The following WDR47 variants were observed in gnomAD, a reference collection of about 807,000 sequenced individuals.
WDR47 encodes WD repeat domain 47.
In WDR47, 32 loss-of-function variants were observed where a neutral mutation model predicts 97.2. That is an observed-to-expected ratio of 0.33 (90% CI 0.25 to 0.44). The LOEUF is 0.44. Among genes scored for constraint, WDR47 ranks in the 20% least tolerant of loss-of-function variants. The pLI, the probability that WDR47 is intolerant of heterozygous loss-of-function variation, is 1.00. For missense variants in WDR47, 782 were observed against 1,102.3 expected (o/e 0.71, Z 4.11); for synonymous variants, 375 against 373.5 (o/e 1.00, Z -0.05).
chr1:108,986,323 A>C (rs1163783267), intron 10 of WDR47, among the ~76,000 whole-genome samples, 200 bp downstream of exon 10: 3 of 152,250 alleles, frequency 2.0e-5, no homozygotes, highest in Non-Finnish European at 4.4e-5. Flanking sequence ...ATTTTATGAA[A>C]AAATTATGAA....
At position 109,002,376 on chromosome 1, in the gene WDR47, T is replaced by C. The variant is rs775158339; in HGVS notation, c.1281A>G (p.Gln427=). The change falls in exon 7 of 15, where the codon CAA becomes CAG. Residue 427 remains glutamine (Q), a synonymous_variant. Transcript: ENST00000369962. Reference sequence around the variant, plus strand: ...AGCGTAATCTTTGCCTATAATATTCTTGAAATTGTTCTGTTGAATCTCGAA... The same window carrying C: ...AGCGTAATCTTTGCCTATAATATTCCTGAAATTGTTCTGTTGAATCTCGAA... ...NELRDSTEQF[Q]EYYRQRLRYQ... 4 of 1,606,642 alleles carry C rather than the reference T, an allele frequency of 2.5e-6. No individual in the cohort carries two copies. The highest frequency in any genetic ancestry group is 2.5e-6 in the Non-Finnish European group (3 of 1,178,234).
chr1:109,001,231 G>A (rs1035440708), intron 7 of WDR47, among the ~76,000 whole-genome samples: 3 of 152,038 alleles, frequency 2.0e-5, no homozygotes, highest in African/African-American at 7.2e-5. Context: ...AGAGGTTGCA[G>A]TGAGCGAAGA....
At chr1:108,985,756 T>C (rs1658739709) in intron 10 of WDR47, among the ~76,000 whole-genome samples, 1 of 152,162 alleles carries the variant, frequency 6.6e-6, no homozygotes, top group South Asian at 2.1e-4. Context: ...ACCCTAAACA[T>C]ATAAGTCTTT....
Position 108,990,008 on chromosome 1 carries a change from A to T in WDR47, c.1767+1246T>A, listed in dbSNP as rs192297475. Among the ~76,000 whole-genome samples, 39 of 151,854 alleles carry T rather than the reference A, an allele frequency of 2.6e-4. No homozygotes were observed. The East Asian group carries it at 6.0e-3, about 24-fold the overall frequency. On this transcript the variant is annotated intron_variant, in intron 9 of 14. Transcript: ENST00000369962. ...CTGCATCCAGCCTTAAAATTTTTTT[A>T]AATTTGTTGTCATTTAAAAAACTAG...
chr1:109,029,770 G>A (rs376546433), intron 1 of WDR47, among the ~76,000 whole-genome samples: 3 of 150,514 alleles, frequency 2.0e-5, no homozygotes, highest in Non-Finnish European at 4.4e-5. Flanking sequence ...CCAGCTACTC[G>A]AGAGGCTGAG....
In WDR47 at chr1:109,016,080, A is replaced by G. The variant is rs569567977; in HGVS notation, c.242+1438T>C. Among the ~76,000 whole-genome samples, 5 of 152,084 alleles carry G rather than the reference A, an allele frequency of 3.3e-5. No homozygotes were observed. The South Asian group carries it at 1.0e-3, about 32-fold the overall frequency. On this transcript the variant is annotated intron_variant, in intron 3 of 14. Transcript: ENST00000369962. ...CTCCCCAGTTCACACAGTGTGAGCTAGAACTCAAACAGAAGGCTGTAGCTT... is the reference window on the plus strand; with the variant it reads ...CTCCCCAGTTCACACAGTGTGAGCTGGAACTCAAACAGAAGGCTGTAGCTT...
intron 1 of WDR47, among the ~76,000 whole-genome samples, chr1:109,031,148 C>A (rs1178576222): frequency 7.2e-6 from 1 of 139,462 alleles, no homozygotes; most frequent in Non-Finnish European, 1.6e-5. Context: ...AGCAAACAAA[C>A]AAAAGAAAAG....
intron 13 of WDR47, 83 bp from the exon 14 acceptor site, chr1:108,974,837 T>C (rs12126469): frequency 0.035 from 34,853 of 1,006,958 alleles, 745 homozygotes; most frequent in Non-Finnish European, 0.043. Flanking sequence ...CATTGAACCA[T>C]ATACTAAAGA....
At chr1:109,028,384 TGTAGAGA>T (rs1662374756) in intron 1 of WDR47, among the ~76,000 whole-genome samples, 73 of 147,020 alleles carry the variant, frequency 5.0e-4, no homozygotes, top group African/African-American at 7.0e-4. Context: ...TTTTTTTTTT[TGTAGAGA>T]TTGGGTTTCG....
chr1:109,027,960 G>A (rs1471572519), intron 1 of WDR47, among the ~76,000 whole-genome samples: 4 of 152,028 alleles, frequency 2.6e-5, no homozygotes, highest in Non-Finnish European at 5.9e-5. Context: ...TCTAATTCAG[G>A]GAAACAGAAT....
In WDR47 at chr1:108,971,186, T is replaced by C. The variant is rs1657426876; in HGVS notation, c.*244A>G. On this transcript the variant is annotated 3_prime_UTR_variant, in exon 15 of 15. Coordinates refer to ENST00000369962, the MANE Select transcript of WDR47 (RefSeq NM_001142551.2). ...TGCACACCAACAACTGAAGAGCTCT[T>C]CTGCAGACTTTGGCAACGAGACTAC... is the stretch of plus-strand genomic sequence containing the variant. 1 of 445,912 alleles carries C rather than the reference T, an allele frequency of 2.2e-6. No homozygotes were observed. Among genetic ancestry groups the C allele is most frequent in the African/African-American group, 2.0e-5 (1 of 51,250 alleles). The allele number at this position is 445,912 out of a possible 1,614,324, so 27.6% of individuals were successfully genotyped here. A position where few individuals can be genotyped will look rare whatever the true frequency, so the allele number is the denominator to read the frequency against.
At chr1:108,971,621 ATAGAT>A in intron 14 of WDR47, 49 bp from the exon 15 acceptor site, 1 of 1,596,254 alleles carries the variant, frequency 6.3e-7, no homozygotes, top group Non-Finnish European at 8.6e-7. Context: ...AAGTATATGT[ATAGAT>A]TGTATAGACT....
At chr1:109,028,734 A>G (rs1286338588) in intron 1 of WDR47, among the ~76,000 whole-genome samples, 1 of 151,988 alleles carries the variant, frequency 6.6e-6, no homozygotes, top group Non-Finnish European at 1.5e-5. Context: ...TACAGGCATG[A>G]GCCACCGTGC....
chr1:109,016,489 A>G (rs1442446254), intron 3 of WDR47, among the ~76,000 whole-genome samples: 2 of 152,174 alleles, frequency 1.3e-5, no homozygotes, highest in African/African-American at 4.8e-5. Context: ...AACATACCAA[A>G]ATCTACTGTA....
intron 12 of WDR47, 66 bp downstream of exon 12, chr1:108,982,543 C>T: frequency 6.6e-7 from 1 of 1,516,286 alleles, no homozygotes; most frequent in East Asian, 2.3e-5. Context: ...AAAGAAAATG[C>T]AGAGAGGAAA....
chr1:109,018,318 G>A (rs933574658), intron 2 of WDR47, among the ~76,000 whole-genome samples: 15 of 151,602 alleles, frequency 9.9e-5, no homozygotes, highest in South Asian at 6.3e-4. Flanking sequence ...CCGTGGTGGC[G>A]GGCGCCCGTA....
chr1:108,983,598 T>C, intron 10 of WDR47, 147 bp from the exon 11 acceptor site: 1 of 647,984 alleles, frequency 1.5e-6, no homozygotes, highest in Non-Finnish European at 2.2e-6. Context: ...ATAGAAGAAA[T>C]AAAATTAGCA....
At chr1:108,992,894 TAG>T (rs978246048) in intron 8 of WDR47, 4 of 1,237,862 alleles carry the variant, frequency 3.2e-6, no homozygotes, top group African/African-American at 3.1e-5. Flanking sequence ...CCATAGAAAA[TAG>T]AGGTGAGGAA....
chr1:108,990,381 G>C (rs1385560581), intron 9 of WDR47, among the ~76,000 whole-genome samples: 4 of 151,944 alleles, frequency 2.6e-5, no homozygotes, highest in South Asian at 4.2e-4. Context: ...GCTAATTTTT[G>C]TATTTTTAGT....
Sources: allele counts gnomAD v4.1 joint callset (sites outside exome capture counted in the v4.1 genomes callset), GRCh38; gene constraint gnomAD v4.1.1; transcripts MANE v1.5; gene names NCBI Gene and HGNC (gene_info 2026-07-23, HGNC 2026-07-21).